The following RCOR1 variants were observed in gnomAD, a reference collection of about 807,000 sequenced individuals.
The protein encoded by RCOR1 is REST corepressor 1, also known as REST corepressor.
RCOR1 carries 12 observed loss-of-function variants against 64.0 expected under a neutral mutation model. That is an observed-to-expected ratio of 0.19 (90% confidence interval 0.12 to 0.30). The LOEUF (loss-of-function observed/expected upper bound fraction) is 0.30, where lower values mean the gene tolerates loss of function less well. RCOR1 is among the 10% of genes least tolerant of loss of function. The pLI, the probability that RCOR1 is intolerant of heterozygous loss-of-function variation, is 1.00. For missense variants in RCOR1, 502 were observed against 621.2 expected (o/e 0.81, Z 2.04); for synonymous variants, 279 against 227.2 (o/e 1.23, Z -2.05).
At chr14:102,707,286 T>G in intron 4 of RCOR1, 65 bp from the exon 5 acceptor site, 3 of 1,342,344 alleles carry the variant, frequency 2.2e-6, no homozygotes, top group Non-Finnish European at 3.1e-6. Flanking sequence ...TTTCTTTTGC[T>G]GGTCTCATTT....
rs1272632801 is a variant in RCOR1, at chr14:102,715,236, T to C, written c.1053+619T>C. 5.3e-5 allele frequency among the ~76,000 whole-genome samples: 8 copies of C among 151,790 alleles called. No individual in the cohort carries two copies. In the East Asian group the frequency reaches 1.4e-3, roughly 26 times the overall value. On this transcript the variant is annotated intron_variant, in intron 8 of 11. Coordinates refer to ENST00000262241, the MANE Select transcript of RCOR1 (RefSeq NM_015156.4). ...GGCACCCACCACCACGCCCAGCTAA[T>C]TGTTTTTTGTATGTTTAGTAGAGAC...
At chr14:102,681,766 G>T in intron 2 of RCOR1, 129 bp from the exon 3 acceptor site, 1 of 618,264 alleles carries the variant, frequency 1.6e-6, no homozygotes. Flanking sequence ...TCACTCTGAT[G>T]TTAAGTGTGG....
At chr14:102,669,307 C>G (rs572731972) in intron 2 of RCOR1, among the ~76,000 whole-genome samples, 9 of 121,446 alleles carry the variant, frequency 7.4e-5, no homozygotes, top group African/African-American at 2.7e-4. Flanking sequence ...GAAACTCGGT[C>G]TGAAAAAAAA....
Position 102,615,385 on chromosome 14 carries a change from A to G in RCOR1, c.361+22060A>G, listed in dbSNP as rs1444278895. On this transcript the variant is annotated intron_variant, in intron 2 of 11. Transcript: ENST00000262241. Reference sequence around the variant, plus strand: ...TCGAACCCCTGGGCTCAAGCAATCCACCCATCGTGGCCTCCTGCAGTGCTG... The same window carrying G: ...TCGAACCCCTGGGCTCAAGCAATCCGCCCATCGTGGCCTCCTGCAGTGCTG... Among the ~76,000 whole-genome samples, 8 of 138,950 alleles carry G rather than the reference A, an allele frequency of 5.8e-5. No individual in the cohort carries two copies. The East Asian group carries it at 1.7e-3, about 29-fold the overall frequency. The allele number at this position is 138,950 out of a possible 152,430, so 91.2% of individuals were successfully genotyped here. A position where few individuals can be genotyped will look rare whatever the true frequency, so the allele number is the denominator to read the frequency against.
intron 2 of RCOR1, among the ~76,000 whole-genome samples, chr14:102,635,543 T>TATATAC (rs1432983883): frequency 6.6e-6 from 1 of 152,172 alleles, no homozygotes; most frequent in Non-Finnish European, 1.5e-5. Context: ...TTAAAATATG[T>TATATAC]ATATACATAT....
chr14:102,690,751 C>G (rs918424137), intron 3 of RCOR1, among the ~76,000 whole-genome samples: 1 of 152,184 alleles, frequency 6.6e-6, no homozygotes, highest in African/African-American at 2.4e-5. Context: ...TTCTTTCATT[C>G]TGCTTATCAT....
chr14:102,712,195 G>A (rs1372978039), intron 7 of RCOR1, among the ~76,000 whole-genome samples: 1 of 151,342 alleles, frequency 6.6e-6, no homozygotes, highest in Non-Finnish European at 1.5e-5. Flanking sequence ...TTTTTATTTT[G>A]TTTTTGAGAC....
At chr14:102,721,462 A>G (rs1896167083) in intron 10 of RCOR1, 85 bp downstream of exon 10, 3 of 990,220 alleles carry the variant, frequency 3.0e-6, no homozygotes, top group South Asian at 1.5e-5. Flanking sequence ...AGGTTGACGC[A>G]TTTGCTTGAG....
chr14:102,634,801 AT>A (rs1894202281), intron 2 of RCOR1, among the ~76,000 whole-genome samples: 1 of 151,344 alleles, frequency 6.6e-6, no homozygotes, highest in Non-Finnish European at 1.5e-5. Context: ...GGTTCAAGTG[AT>A]TCTCCTGCCT....
chr14:102,625,871 A>T (rs545816670), intron 2 of RCOR1, among the ~76,000 whole-genome samples: 2 of 152,258 alleles, frequency 1.3e-5, no homozygotes, highest in South Asian at 4.1e-4. Context: ...GCCGCTGTGA[A>T]TGACTGCATA....
intron 2 of RCOR1, among the ~76,000 whole-genome samples, chr14:102,664,799 T>C (rs962673322): frequency 9.9e-5 from 15 of 152,224 alleles, no homozygotes; most frequent in Non-Finnish European, 1.6e-4. Context: ...GTCTGAAAGA[T>C]GGCAAATAAT....
chr14:102,670,376 T>A (rs895631788), intron 2 of RCOR1, among the ~76,000 whole-genome samples: 1 of 152,178 alleles, frequency 6.6e-6, no homozygotes, highest in African/African-American at 2.4e-5. Flanking sequence ...TATAATGGGA[T>A]AGAATTTAAA....
At chr14:102,722,126 T>C in intron 10 of RCOR1, 61 bp from the exon 11 acceptor site, 1 of 1,250,372 alleles carries the variant, frequency 8.0e-7, no homozygotes, top group South Asian at 1.3e-5. Flanking sequence ...TAAGTGTCAC[T>C]TGTGGTTTTA....
chr14:102,598,734 C>T (rs908106798), intron 2 of RCOR1, among the ~76,000 whole-genome samples: 2 of 152,224 alleles, frequency 1.3e-5, no homozygotes, highest in Admixed American at 6.5e-5. Context: ...AGGCGTGAGC[C>T]GCCACGCCTG....
chr14:102,713,285 G>A (rs550076618), intron 7 of RCOR1, among the ~76,000 whole-genome samples: 5 of 145,612 alleles, frequency 3.4e-5, no homozygotes, highest in East Asian at 4.0e-4. Context: ...TTGAGACGGA[G>A]CCTCACTGTG....
At chr14:102,681,829 T>A (rs1016206775) in intron 2 of RCOR1, 66 bp from the exon 3 acceptor site, 6 of 1,148,112 alleles carry the variant, frequency 5.2e-6, no homozygotes, top group Non-Finnish European at 7.7e-6. Context: ...TTAAAAGGTA[T>A]TGTTACTTAT....
chr14:102,617,628 C>T (rs1157513796), intron 2 of RCOR1, among the ~76,000 whole-genome samples: 9 of 147,478 alleles, frequency 6.1e-5, no homozygotes, highest in East Asian at 4.0e-4. Context: ...CTTGCTCTGT[C>T]GCCCAGGCTG....
intron 4 of RCOR1, among the ~76,000 whole-genome samples, 154 bp from the exon 5 acceptor site, chr14:102,707,197 G>C (rs1487001105): frequency 6.6e-6 from 1 of 152,082 alleles, no homozygotes; most frequent in Non-Finnish European, 1.5e-5. Context: ...ACAAAGAATA[G>C]AAAAAGGGGC....
rs1363709454 is a variant in RCOR1 at position 102,616,204 on chromosome 14, ATATG to A, written c.361+22881_361+22884del. 8.8e-4 allele frequency among the ~76,000 whole-genome samples: 113 copies of A among 128,806 alleles called. 1 individual carries two copies. The highest frequency in any genetic ancestry group is 3.2e-3 in the African/African-American group (107 of 33,652). The allele number at this position is 128,806 out of a possible 152,430, so 84.5% of individuals were successfully genotyped here. A position where few individuals can be genotyped will look rare whatever the true frequency, so the allele number is the denominator to read the frequency against. Reference sequence around the variant, plus strand: ...CATTTATTACAAAAGATACATGTGTATATGTGTGTGTGTGTGTGTGTGTGTGTGT... The same window carrying A: ...CATTTATTACAAAAGATACATGTGTATGTGTGTGTGTGTGTGTGTGTGTGT... On this transcript the variant is annotated intron_variant, in intron 2 of 11. Transcript: ENST00000262241.
Sources: gnomAD v4.1 joint callset for allele counts (sites outside exome capture counted in the v4.1 genomes callset) on GRCh38, gnomAD v4.1.1 for gene constraint, MANE v1.5 for transcripts, NCBI Gene and HGNC (gene_info 2026-07-23, HGNC 2026-07-21) for gene names.